Variants in BMAL1 observed in about 807,000 individuals in gnomAD.
BMAL1 encodes basic helix-loop-helix ARNT like 1.
the BMAL1 span, among the ~76,000 whole-genome samples, chr11:13,278,485 G>T: frequency 6.6e-6 from 1 of 152,318 alleles, no homozygotes; most frequent in East Asian, 1.9e-4. Flanking sequence ...TCGGGAGCCC[G>T]CGAGGCTGGG....
At chr11:13,346,846 T>C in the BMAL1 span, among the ~76,000 whole-genome samples, 1 of 152,084 alleles carries the variant, frequency 6.6e-6, no homozygotes, top group Non-Finnish European at 1.5e-5. Flanking sequence ...TCACACACCA[T>C]GTGGATGGCC....
chr11:13,354,258 C>A, the BMAL1 span: 4 of 1,325,734 alleles, frequency 3.0e-6, no homozygotes, highest in Admixed American at 2.3e-5. Flanking sequence ...TTTGAGAGCT[C>A]ATCGAAATAA....
At chr11:13,322,914 C>T in the BMAL1 span, among the ~76,000 whole-genome samples, 1 of 150,666 alleles carries the variant, frequency 6.6e-6, no homozygotes, top group Non-Finnish European at 1.5e-5. Flanking sequence ...CTTCAGCCTC[C>T]CAAGTAGCTG....
At chr11:13,301,811 T>G in the BMAL1 span, among the ~76,000 whole-genome samples, 6 of 152,218 alleles carry the variant, frequency 3.9e-5, no homozygotes, top group Non-Finnish European at 7.3e-5. Context: ...ATCCATGCAA[T>G]GAACCAAATG....
At chr11:13,354,210 A>ACCCAAACC in the BMAL1 span, 1 of 273,516 alleles carries the variant, frequency 3.7e-6, no homozygotes. Flanking sequence ...GCCCCCCACC[A>ACCCAAACC]CCAAACCCCC....
At chr11:13,372,320 A>G in the BMAL1 span, 1 of 1,614,238 alleles carries the variant, frequency 6.2e-7, no homozygotes, top group Non-Finnish European at 8.5e-7. Flanking sequence ...ATGTAGTTCC[A>G]CAACCAGTGA....
chr11:13,325,787 T>A, the BMAL1 span, among the ~76,000 whole-genome samples: 1 of 152,118 alleles, frequency 6.6e-6, no homozygotes. Context: ...ATTTCCCATC[T>A]TGATGAGGTG....
the BMAL1 span, among the ~76,000 whole-genome samples, chr11:13,284,158 ATG>A: frequency 0.42 from 16,899 of 40,718 alleles, 3,435 homozygotes; most frequent in East Asian, 0.57. Flanking sequence ...ATATATATAT[ATG>A]TGTGTATATA....
At chr11:13,314,427 G>C in the BMAL1 span, among the ~76,000 whole-genome samples, 1 of 152,118 alleles carries the variant, frequency 6.6e-6, no homozygotes, top group African/African-American at 2.4e-5. Flanking sequence ...TGGCCATTGG[G>C]TTTATTGGGG....
At chr11:13,365,480 T>A in the BMAL1 span, 1 of 1,590,308 alleles carries the variant, frequency 6.3e-7, no homozygotes, top group Non-Finnish European at 8.6e-7. Flanking sequence ...AGAAATTGAT[T>A]ATCCATTTCT....
the BMAL1 span, chr11:13,356,929 A>C: frequency 6.3e-7 from 1 of 1,585,272 alleles, no homozygotes; most frequent in South Asian, 1.1e-5. Context: ...TGTCCCTCCA[A>C]CCCCCAGTCC....
chr11:13,360,298 T>A, the BMAL1 span: 1 of 1,542,990 alleles, frequency 6.5e-7, no homozygotes, highest in Non-Finnish European at 8.9e-7. Flanking sequence ...GAATGAGACA[T>A]TTTCTGAATA....
At chr11:13,356,389 G>C in the BMAL1 span, 1 of 521,592 alleles carries the variant, frequency 1.9e-6, no homozygotes, top group Non-Finnish European at 3.7e-6. Context: ...GGGGGAGAAT[G>C]AGAGGTTATA....
At chr11:13,283,586 C>T in the BMAL1 span, among the ~76,000 whole-genome samples, 1 of 152,136 alleles carries the variant, frequency 6.6e-6, no homozygotes, top group African/African-American at 2.4e-5. Flanking sequence ...TAGTAGATTC[C>T]TACTGGGAGG....
the BMAL1 span, among the ~76,000 whole-genome samples, chr11:13,364,560 C>T: frequency 1.3e-5 from 2 of 152,166 alleles, no homozygotes; most frequent in Admixed American, 1.3e-4. Flanking sequence ...AGGGCTGAGT[C>T]ATAAGAGCAA....
the BMAL1 span, among the ~76,000 whole-genome samples, chr11:13,335,604 C>A: frequency 2.0e-5 from 3 of 152,182 alleles, no homozygotes; most frequent in African/African-American, 7.2e-5. Context: ...TTCTTGTGGG[C>A]AAAACCCTGC....
At chr11:13,374,482 A>G in the BMAL1 span, among the ~76,000 whole-genome samples, 5 of 152,062 alleles carry the variant, frequency 3.3e-5, no homozygotes, top group African/African-American at 1.2e-4. Flanking sequence ...GCCCAGACTG[A>G]TCTGATTCTC....
chr11:13,320,719 G>T, the BMAL1 span, among the ~76,000 whole-genome samples: 1 of 152,214 alleles, frequency 6.6e-6, no homozygotes, highest in South Asian at 2.1e-4. Context: ...GTGGCTACTG[G>T]CTGAGGATCC....
chr11:13,359,345 G>A, the BMAL1 span, among the ~76,000 whole-genome samples: 2 of 152,294 alleles, frequency 1.3e-5, no homozygotes, highest in East Asian at 1.9e-4. Flanking sequence ...TAGAAGAATT[G>A]CGTCTTTTTA....
Sources: allele counts gnomAD v4.1 joint callset (sites outside exome capture counted in the v4.1 genomes callset), GRCh38; gene constraint gnomAD v4.1.1; transcripts MANE v1.5; gene names NCBI Gene and HGNC (gene_info 2026-07-23, HGNC 2026-07-21).